The following CDC42 variants were observed in gnomAD, a reference collection of about 807,000 sequenced individuals.
CDC42 encodes cell division control protein 42 homolog.
In CDC42, 1 loss-of-function variant was observed where a neutral mutation model predicts 20.8. The ratio of observed to expected loss-of-function variants is 0.05; its 90% CI spans 0.02 to 0.23. The LOEUF is 0.23. Among genes scored for constraint, CDC42 ranks in the 10% least tolerant of loss-of-function variants. The probability of loss-of-function intolerance (pLI) is 1.00; values close to 1 mark genes in which losing one functional copy is unlikely to be tolerated. For synonymous variants in CDC42, 72 were observed against 84.8 expected (o/e 0.85, Z 0.83); for missense variants, 49 against 227.9 (o/e 0.21, Z 5.05).
chr1:22,065,010 G>A (rs970026879), intron 1 of CDC42, among the ~76,000 whole-genome samples: 5 of 152,160 alleles, frequency 3.3e-5, no homozygotes, highest in African/African-American at 2.4e-5. Flanking sequence ...ATTATTTCAC[G>A]TTGATAGTAA....
At chr1:22,059,240 C>T (rs1569957534) in intron 1 of CDC42, 2 of 152,288 alleles carry the variant, frequency 1.3e-5, no homozygotes, top group African/African-American at 4.8e-5. Flanking sequence ...ATTCTCCTGC[C>T]TCCACCTCCC....
In CDC42 at chr1:22,066,581, A is replaced by G. The variant is rs1047704001; in HGVS notation, c.-50-11848A>G. On this transcript the variant is annotated intron_variant, in intron 1 of 5. Transcript: ENST00000656825. Reference sequence around the variant, plus strand: ...CTGCCATATGACAGATAAACAAGATAATTATAGATTATGACCTTACAATAA... The same window carrying G: ...CTGCCATATGACAGATAAACAAGATGATTATAGATTATGACCTTACAATAA... Among the ~76,000 whole-genome samples the G allele has an allele frequency of 5.3e-5, 8 of 152,194 alleles. No individual in the cohort carries two copies. The East Asian group carries it at 1.3e-3, about 26-fold the overall frequency.
chr1:22,064,097 G>C (rs1251666229), intron 1 of CDC42: 1 of 150,370 alleles, frequency 6.7e-6, no homozygotes, highest in East Asian at 2.0e-4. Flanking sequence ...TACATTAACT[G>C]TTTTGATGAT....
chr1:22,072,250 A>G (rs1645500859), intron 1 of CDC42, among the ~76,000 whole-genome samples: 2 of 151,702 alleles, frequency 1.3e-5, no homozygotes, highest in African/African-American at 4.8e-5. Context: ...GGCGCCTGCC[A>G]CCACGCCTGG....
In CDC42 at chr1:22,097,934, C is replaced by G. The variant is rs1162762880; in HGVS notation, c.*6417C>G. Among the ~76,000 whole-genome samples the G allele has an allele frequency of 6.6e-6, 1 of 152,196 alleles. No homozygotes were observed. The highest frequency in any genetic ancestry group is 1.9e-4 in the East Asian group (1 of 5,192). The stretch of plus-strand genomic sequence containing the variant: ...GATGGATTTTGGGTCCACCATGCAT[C>G]TCTGAAGTAGAAGTGACAGATTTTC... On this transcript the variant is annotated 3_prime_UTR_variant, in exon 6 of 6. Coordinates refer to ENST00000656825, the MANE Select transcript of CDC42 (RefSeq NM_001791.4).
rs576887752 is a variant in CDC42, at chr1:22,100,226, G to A, written c.*8709G>A. 2.2e-4 allele frequency among the ~76,000 whole-genome samples: 34 copies of A among 152,054 alleles called. No individual in the cohort carries two copies. The highest frequency in any genetic ancestry group is 4.0e-4 in the Non-Finnish European group (27 of 67,994). On this transcript the variant is annotated 3_prime_UTR_variant, in exon 6 of 6. Transcript: ENST00000656825. ...CTCTGCCTTCATCTTCTCTGCAAAC[G>A]GTCAGGGATACTCATGCAGTTTTTG... is the stretch of plus-strand genomic sequence containing the variant.
chr1:22,089,936 C>G (rs780059477), intron 5 of CDC42: 1 of 1,613,400 alleles, frequency 6.2e-7, no homozygotes, highest in Non-Finnish European at 8.5e-7. Flanking sequence ...TCCCCTCTGT[C>G]TTGTAGAGAG....
chr1:22,070,937 T>C (rs1645483435), intron 1 of CDC42, among the ~76,000 whole-genome samples: 2 of 152,104 alleles, frequency 1.3e-5, no homozygotes, highest in African/African-American at 4.8e-5. Context: ...TGCTGGCAAG[T>C]GTATCCTTTC....
At position 22,092,816 on chromosome 1, in the gene CDC42, G is replaced by C. The variant is rs545238710; in HGVS notation, c.*1299G>C. 1 of 152,644 alleles carries C rather than the reference G, an allele frequency of 6.6e-6. No individual in the cohort carries two copies. The highest frequency in any genetic ancestry group is 1.9e-4 in the East Asian group (1 of 5,184). 9.5% of individuals were successfully genotyped at this position (152,644 alleles called of 1,614,324 possible). On this transcript the variant is annotated 3_prime_UTR_variant, in exon 6 of 6. Transcript: ENST00000656825. ...AGTTTCCAATTTTTAAAAATGTTGAGGTAATCTTTCCCACCTTCCCAAACC... is the reference window on the plus strand; with the variant it reads ...AGTTTCCAATTTTTAAAAATGTTGACGTAATCTTTCCCACCTTCCCAAACC...
chr1:22,095,213 C>A lies in CDC42; in HGVS notation c.*3696C>A, dbSNP rs1645748442. Among the ~76,000 whole-genome samples the A allele has an allele frequency of 6.6e-6, 1 of 152,012 alleles. No homozygotes were observed. The highest frequency in any genetic ancestry group is 1.5e-5 in the Non-Finnish European group (1 of 68,022). On this transcript the variant is annotated 3_prime_UTR_variant, in exon 6 of 6. Transcript: ENST00000656825. ...ACTCTGTATCTACCCGACTTCAGAT[C>A]ATGGTGATTTAATTACATGGCCCAA...
In CDC42 at chr1:22,069,994, C is replaced by A. The variant is rs539971560; in HGVS notation, c.-50-8435C>A. ...GTAGAGACGCAGTTTTGCCACGTTGCCTAGGTTGTTCTCAAACTCCTGGCC... is the reference window on the plus strand; with the variant it reads ...GTAGAGACGCAGTTTTGCCACGTTGACTAGGTTGTTCTCAAACTCCTGGCC... On this transcript the variant is annotated intron_variant, in intron 1 of 5. Coordinates refer to ENST00000656825, the MANE Select transcript of CDC42 (RefSeq NM_001791.4). 2.6e-5 allele frequency among the ~76,000 whole-genome samples: 4 copies of A among 152,136 alleles called. No homozygotes were observed. In the East Asian group the frequency reaches 7.7e-4, roughly 29 times the overall value.
At chr1:22,053,883 C>T (rs1276002318) in intron 1 of CDC42, among the ~76,000 whole-genome samples, 1 of 152,190 alleles carries the variant, frequency 6.6e-6, no homozygotes, top group Non-Finnish European at 1.5e-5. Flanking sequence ...TAAGACAACA[C>T]CGTCCACGGC....
intron 5 of CDC42, chr1:22,090,163 C>A: frequency 7.3e-7 from 1 of 1,376,106 alleles, no homozygotes; most frequent in South Asian, 1.8e-5. Flanking sequence ...CTTAGAGCAA[C>A]CTCTGTATTA....
At chr1:22,064,480 C>T (rs979830903) in intron 1 of CDC42, among the ~76,000 whole-genome samples, 4 of 151,392 alleles carry the variant, frequency 2.6e-5, no homozygotes, top group South Asian at 2.1e-4. Context: ...TTAGTCGAGA[C>T]GGGTTTTGCC....
chr1:22,084,859 T>C (rs1284034675), intron 3 of CDC42, among the ~76,000 whole-genome samples: 1 of 152,098 alleles, frequency 6.6e-6, no homozygotes, highest in African/African-American at 2.4e-5. Context: ...GTCTTTTGCT[T>C]GTGAATATGT....
intron 5 of CDC42, among the ~76,000 whole-genome samples, chr1:22,087,250 T>C (rs775635004): frequency 6.6e-6 from 1 of 152,174 alleles, no homozygotes; most frequent in African/African-American, 2.4e-5. Flanking sequence ...ATTCTGACAA[T>C]TGATACTATA....
Position 22,090,298 on chromosome 1 carries a change from C to G in CDC42, c.487-1130C>G, listed in dbSNP as rs1304326993. The G allele has an allele frequency of 6.8e-5, 77 of 1,132,542 alleles. No homozygotes were observed. The Middle Eastern group carries it at 2.3e-3, about 33-fold the overall frequency. The allele number at this position is 1,132,542 out of a possible 1,614,324, so 70.2% of individuals were successfully genotyped here. ...AGCTTTTTGGTTTGGATTACTATTG[C>G]AAAAGGGAACTTGGTCTGGCTTTAA... On this transcript the variant is annotated intron_variant, in intron 5 of 5. Coordinates refer to ENST00000656825, the MANE Select transcript of CDC42 (RefSeq NM_001791.4).
chr1:22,076,438 C>G (rs955586954), intron 1 of CDC42, among the ~76,000 whole-genome samples: 3 of 151,908 alleles, frequency 2.0e-5, no homozygotes, highest in African/African-American at 7.3e-5. Flanking sequence ...CACATACACA[C>G]ACACACACAC....
intron 1 of CDC42, among the ~76,000 whole-genome samples, chr1:22,066,657 C>A (rs1645427145): frequency 6.6e-6 from 1 of 150,876 alleles, no homozygotes; most frequent in Non-Finnish European, 1.5e-5. Flanking sequence ...TACTATTGCC[C>A]TGGATAATGT....
Sources: allele counts gnomAD v4.1 joint callset (sites outside exome capture counted in the v4.1 genomes callset), GRCh38; gene constraint gnomAD v4.1.1; transcripts MANE v1.5; gene names NCBI Gene and HGNC (gene_info 2026-07-23, HGNC 2026-07-21).